AKAP19: variants seen among roughly 807,000 people sequenced by gnomAD.
AKAP19 encodes the protein small A-kinase anchoring protein.
chr2:189,958,151 G>A, the AKAP19 span, among the ~76,000 whole-genome samples: 1 of 152,136 alleles, frequency 6.6e-6, no homozygotes, highest in South Asian at 2.1e-4. Context: ...AAGGATTAGT[G>A]TCTTGAACAT....
chr2:190,198,194 A>AG, the AKAP19 span, among the ~76,000 whole-genome samples: 3,529 of 152,280 alleles, frequency 0.023, 157 homozygotes, highest in African/African-American at 0.08. Context: ...CACTCTTATT[A>AG]GGGGTAGGAA....
the AKAP19 span, among the ~76,000 whole-genome samples, chr2:189,936,665 A>C: frequency 1.3e-5 from 2 of 152,228 alleles, no homozygotes; most frequent in East Asian, 3.8e-4. Context: ...GAAATCCAAG[A>C]AATAATTGAG....
chr2:190,035,959 G>A, the AKAP19 span, among the ~76,000 whole-genome samples: 1 of 152,012 alleles, frequency 6.6e-6, no homozygotes, highest in African/African-American at 2.4e-5. Context: ...TTATGTGATG[G>A]GTGTGTTTAT....
the AKAP19 span, among the ~76,000 whole-genome samples, chr2:190,086,871 C>T: frequency 6.6e-6 from 1 of 152,122 alleles, no homozygotes; most frequent in Non-Finnish European, 1.5e-5. Context: ...TACAGTAATC[C>T]CTTTCTTTCC....
chr2:190,175,101 CAACAAA>C, the AKAP19 span, among the ~76,000 whole-genome samples: 412 of 148,660 alleles, frequency 2.8e-3, no homozygotes, highest in African/African-American at 3.6e-3. Context: ...ACAACAACAA[CAACAAA>C]ATCAGACGCT....
the AKAP19 span, among the ~76,000 whole-genome samples, chr2:190,109,639 G>A: frequency 6.6e-6 from 1 of 152,104 alleles, no homozygotes; most frequent in Admixed American, 6.5e-5. Flanking sequence ...ATCAAGTGCA[G>A]AGAGAAGGAA....
chr2:190,154,032 G>A, the AKAP19 span, among the ~76,000 whole-genome samples: 1 of 152,296 alleles, frequency 6.6e-6, no homozygotes, highest in South Asian at 2.1e-4. Context: ...CAATAATTAA[G>A]CTATTTTGCA....
At chr2:190,075,440 C>A in the AKAP19 span, among the ~76,000 whole-genome samples, 84 of 152,212 alleles carry the variant, frequency 5.5e-4, 1 homozygote, top group African/African-American at 1.9e-3. Context: ...TTTCTATCTG[C>A]TCCAACTCTA....
chr2:190,063,610 C>G, the AKAP19 span, among the ~76,000 whole-genome samples: 1 of 152,100 alleles, frequency 6.6e-6, no homozygotes, highest in Non-Finnish European at 1.5e-5. Context: ...AGTGCAGTAT[C>G]TATTCTCTAT....
chr2:190,024,165 A>C, the AKAP19 span, among the ~76,000 whole-genome samples: 1 of 151,974 alleles, frequency 6.6e-6, no homozygotes, highest in African/African-American at 2.4e-5. Context: ...TGCTGGAGTC[A>C]TTGTCGCTGG....
chr2:190,096,202 C>G, the AKAP19 span, among the ~76,000 whole-genome samples: 843 of 152,268 alleles, frequency 5.5e-3, 6 homozygotes, highest in African/African-American at 0.019. Flanking sequence ...TCATGTCTGC[C>G]CTCCATGTCT....
At chr2:190,200,032 A>C in the AKAP19 span, 2 of 1,614,096 alleles carry the variant, frequency 1.2e-6, no homozygotes, top group Non-Finnish European at 1.7e-6. Context: ...CAATACTGTG[A>C]TCTTGGAATA....
At chr2:190,056,195 T>G in the AKAP19 span, 1 of 152,564 alleles carries the variant, frequency 6.6e-6, no homozygotes, top group South Asian at 2.1e-4. Context: ...CTGTGATGCA[T>G]GACATGTCTT....
the AKAP19 span, among the ~76,000 whole-genome samples, chr2:190,024,845 G>GA: frequency 6.6e-6 from 1 of 152,212 alleles, no homozygotes; most frequent in Admixed American, 6.5e-5. Flanking sequence ...CCTTGTGAAG[G>GA]AAAATCTCTA....
At chr2:190,055,656 G>GA in the AKAP19 span, 1 of 152,062 alleles carries the variant, frequency 6.6e-6, no homozygotes, top group Non-Finnish European at 1.5e-5. Context: ...ATAATAAAGT[G>GA]AAAATCAGAA....
At chr2:190,177,348 A>T in the AKAP19 span, among the ~76,000 whole-genome samples, 2 of 152,130 alleles carry the variant, frequency 1.3e-5, no homozygotes, top group Non-Finnish European at 2.9e-5. The surrounding 1 kb of genome is among the most constrained non-coding windows in gnomAD (Gnocchi z 4.6). Flanking sequence ...TCTAGCCTCC[A>T]TGTGAATGAA....
chr2:189,944,765 C>T, the AKAP19 span, among the ~76,000 whole-genome samples: 1 of 152,168 alleles, frequency 6.6e-6, no homozygotes, highest in South Asian at 2.1e-4. Flanking sequence ...CTTTACAGGA[C>T]ATTTCACCCA....
the AKAP19 span, among the ~76,000 whole-genome samples, chr2:190,147,675 C>A: frequency 4.6e-5 from 1 of 21,510 alleles, no homozygotes; most frequent in Non-Finnish European, 3.6e-4. Flanking sequence ...TGATTTCTAT[C>A]AGCAGAGTTT....
the AKAP19 span, among the ~76,000 whole-genome samples, chr2:190,196,747 T>C: frequency 6.6e-6 from 1 of 152,196 alleles, no homozygotes; most frequent in Non-Finnish European, 1.5e-5. Context: ...TAAATGAAGC[T>C]TTATTGGATA....
Sources: gnomAD v4.1 joint callset for allele counts (sites outside exome capture counted in the v4.1 genomes callset) on GRCh38, gnomAD v4.1.1 for gene constraint, Gnocchi (gnomAD v3.1) non-coding constraint, MANE v1.5 for transcripts, NCBI Gene and HGNC (gene_info 2026-07-23, HGNC 2026-07-21) for gene names.